The following ECM2 variants were observed in gnomAD, a reference collection of about 807,000 sequenced individuals.
ECM2 encodes extracellular matrix protein 2, female organ and adipocyte specific.
Under a neutral mutation model 67.5 loss-of-function variants are expected in ECM2, and 57 were observed. The observed-to-expected ratio is 0.84, with a 90% CI of 0.68 to 1.05. ECM2 has a LOEUF of 1.05. ECM2 is among the 50% of genes least tolerant of loss of function. ECM2 has a pLI of 0.00. For missense variants in ECM2, 741 were observed against 822.8 expected, an observed-to-expected ratio of 0.90 and a Z score of 1.22; for synonymous variants, 258 against 294.5, an observed-to-expected ratio of 0.88 and a Z score of 1.27.
At chr9:92,553,130 G>A in the ECM2 span, among the ~76,000 whole-genome samples, 1 of 152,062 alleles carries the variant, frequency 6.6e-6, no homozygotes, top group Non-Finnish European at 1.5e-5. Flanking sequence ...CCTACACGTG[G>A]CTAGCCAATT....
the ECM2 span, among the ~76,000 whole-genome samples, chr9:92,554,882 C>T: frequency 4.5e-4 from 68 of 152,016 alleles, no homozygotes; most frequent in Admixed American, 2.4e-3. Flanking sequence ...GTGATCCATC[C>T]GCCTCGGCCT....
At chr9:92,556,184 A>G in the ECM2 span, among the ~76,000 whole-genome samples, 1 of 152,020 alleles carries the variant, frequency 6.6e-6, no homozygotes, top group Non-Finnish European at 1.5e-5. Flanking sequence ...ATTTCCATGT[A>G]TTTACATGGT....
chr9:92,550,034 A>G, the ECM2 span, among the ~76,000 whole-genome samples: 1 of 152,202 alleles, frequency 6.6e-6, no homozygotes, highest in Non-Finnish European at 1.5e-5. Flanking sequence ...CAGCATGATA[A>G]CAGAGACAGG....
chr9:92,547,199 A>C, the ECM2 span, among the ~76,000 whole-genome samples: 1 of 152,156 alleles, frequency 6.6e-6, no homozygotes, highest in Non-Finnish European at 1.5e-5. Context: ...AGTGTTTTAA[A>C]AAGAATAAAG....
At chr9:92,506,026 G>GTGGTGGC (rs1416212609) in intron 6 of ECM2, among the ~76,000 whole-genome samples, 3 of 152,198 alleles carry the variant, frequency 2.0e-5, no homozygotes, top group African/African-American at 7.2e-5. Flanking sequence ...CATAGAAATT[G>GTGGTGGC]TGGTGGCTGA....
the ECM2 span, among the ~76,000 whole-genome samples, chr9:92,551,925 G>GTGTGTGTA: frequency 1.4e-4 from 12 of 84,516 alleles, no homozygotes; most frequent in African/African-American, 9.7e-4. Flanking sequence ...TGGTGTGTGT[G>GTGTGTGTA]TATATATATA....
intron 9 of ECM2, among the ~76,000 whole-genome samples, chr9:92,497,420 T>A: frequency 6.6e-6 from 1 of 150,830 alleles, no homozygotes. Flanking sequence ...AGGTCAGGAG[T>A]TCAAGACCAG....
At chr9:92,526,002 T>TA (rs1281288530) in intron 1 of ECM2, among the ~76,000 whole-genome samples, 3 of 152,156 alleles carry the variant, frequency 2.0e-5, no homozygotes, top group African/African-American at 7.2e-5. Flanking sequence ...CTATACTTTT[T>TA]ATCATTGTTT....
At chr9:92,544,449 C>G in the ECM2 span, among the ~76,000 whole-genome samples, 1 of 152,172 alleles carries the variant, frequency 6.6e-6, no homozygotes, top group African/African-American at 2.4e-5. Flanking sequence ...GCACTCCAGC[C>G]TGGGCAACAG....
chr9:92,558,266 A>G, the ECM2 span, among the ~76,000 whole-genome samples: 1 of 152,176 alleles, frequency 6.6e-6, no homozygotes, highest in Non-Finnish European at 1.5e-5. Context: ...TCATTTAGGT[A>G]GGTTCTATCA....
In ECM2 at chr9:92,512,114, G is replaced by A; in HGVS notation, c.1067C>T (p.Ala356Val). 1 of 1,613,460 alleles carries A rather than the reference G, an allele frequency of 6.2e-7. No homozygotes were observed. The highest frequency in any genetic ancestry group is 8.5e-7 in the Non-Finnish European group (1 of 1,179,604). ...ATTAAATGCTTCATCTGGGATGGAG[G>A]CGATGGAATTGCCTAGGACACACAG... ...TSLELTGNSIASIPDEAFNGL... is the reference protein window; with the variant it reads ...TSLELTGNSIVSIPDEAFNGL... The change falls in exon 5 of 10, where the codon GCC becomes GTC. Residue 356 changes from alanine to valine, a missense_variant. Transcript: ENST00000344604.
At chr9:92,507,284 T>C (rs1245880441) in intron 6 of ECM2, among the ~76,000 whole-genome samples, 1 of 152,204 alleles carries the variant, frequency 6.6e-6, no homozygotes, top group Non-Finnish European at 1.5e-5. Context: ...CTCTTTCATT[T>C]CCAAAACTAA....
the ECM2 span, among the ~76,000 whole-genome samples, chr9:92,547,968 A>C: frequency 5.3e-5 from 8 of 152,344 alleles, no homozygotes; most frequent in African/African-American, 1.9e-4. Flanking sequence ...ATGGGAAAAA[A>C]GAAGTAAAGG....
At chr9:92,527,003 ATTATTTAT>A (rs554133945) in intron 1 of ECM2, among the ~76,000 whole-genome samples, 2 of 149,338 alleles carry the variant, frequency 1.3e-5, no homozygotes, top group Non-Finnish European at 3.0e-5. Flanking sequence ...AGATATGTTT[ATTATTTAT>A]TTATTTATTT....
intron 8 of ECM2, 48 bp downstream of exon 8, chr9:92,502,465 G>T: frequency 1.3e-5 from 21 of 1,593,162 alleles, no homozygotes; most frequent in Non-Finnish European, 1.7e-5. Flanking sequence ...TAATAATAGC[G>T]AGAGGAAGAA....
At chr9:92,536,773 C>G (rs984247349), upstream of ECM2, 1 of 152,042 alleles carries the variant, frequency 6.6e-6, no homozygotes, top group African/African-American at 2.4e-5. Flanking sequence ...TAGGGTGATA[C>G]CTTTCAAATT....
At position 92,496,146 on chromosome 9, in the gene ECM2, A is replaced by T. The variant is rs1846335133; in HGVS notation, c.*169T>A. 7.6e-7 allele frequency: 1 copy of T among 1,313,698 alleles called. No homozygotes were observed. Among genetic ancestry groups the T allele is most frequent in the Non-Finnish European group, 9.6e-7 (1 of 1,036,602 alleles). The allele number at this position is 1,313,698 out of a possible 1,614,324, so 81.4% of individuals were successfully genotyped here. ...ACTATTAATAAAACTCCTAGAGACT[A>T]TACCTTTTAGGTATATTTTGGTTGT... On this transcript the variant is annotated 3_prime_UTR_variant, in exon 10 of 10. Coordinates refer to ENST00000344604, the MANE Select transcript of ECM2 (RefSeq NM_001393.4).
At chr9:92,539,625 T>C (rs1010623222), upstream of ECM2, among the ~76,000 whole-genome samples, 4 of 152,030 alleles carry the variant, frequency 2.6e-5, no homozygotes, top group African/African-American at 9.7e-5. Flanking sequence ...GGTTAGTGGC[T>C]AGATTGGTAG....
chr9:92,535,835 T>C (rs1486675580), intron 1 of ECM2, 98 bp downstream of exon 1: 5 of 342,854 alleles, frequency 1.5e-5, no homozygotes, highest in South Asian at 9.6e-5. Flanking sequence ...AGTAACGAGC[T>C]AATTTACTCA....
Sources: allele counts gnomAD v4.1 joint callset (sites outside exome capture counted in the v4.1 genomes callset), GRCh38; gene constraint gnomAD v4.1.1; transcripts MANE v1.5; gene names NCBI Gene and HGNC (gene_info 2026-07-23, HGNC 2026-07-21).